ZFHX3: variants seen among roughly 807,000 people sequenced by gnomAD.
The protein encoded by ZFHX3 is zinc finger homeobox protein 3.
Under a neutral mutation model 279.1 loss-of-function variants are expected in ZFHX3, and 42 were observed. That is an observed-to-expected ratio of 0.15 (90% CI 0.12 to 0.19). The LOEUF is 0.19. Among genes scored for constraint, ZFHX3 ranks in the 10% least tolerant of loss-of-function variants. The pLI is 1.00. For missense variants in ZFHX3, 4,981 were observed against 4,754.0 expected, an observed-to-expected ratio of 1.05 and a Z score of -1.40; for synonymous variants, 2,293 against 1,957.8, an observed-to-expected ratio of 1.17 and a Z score of -4.52.
chr16:73,248,080 T>C (rs1222283668), intron 5 of ZFHX3, among the ~76,000 whole-genome samples: 4 of 151,796 alleles, frequency 2.6e-5, no homozygotes, highest in African/African-American at 9.7e-5. Context: ...ACTGTATATA[T>C]AATGTGTGTG....
intron 7 of ZFHX3, among the ~76,000 whole-genome samples, chr16:73,095,441 G>T (rs1480880356): frequency 2.0e-5 from 3 of 152,044 alleles, no homozygotes; most frequent in African/African-American, 7.2e-5. Flanking sequence ...TTTGGGACTG[G>T]TGTTATTCAT....
intron 1 of ZFHX3, among the ~76,000 whole-genome samples, chr16:73,844,009 A>G (rs759100434): frequency 1.3e-5 from 2 of 152,242 alleles, no homozygotes; most frequent in Non-Finnish European, 2.9e-5. Context: ...GCCATACAAA[A>G]TTAGGCAGCG....
intron 4 of ZFHX3, among the ~76,000 whole-genome samples, chr16:72,833,212 C>G (rs2037105905): frequency 6.6e-6 from 1 of 152,234 alleles, no homozygotes; most frequent in African/African-American, 2.4e-5. Flanking sequence ...CGCTTTGAAA[C>G]AGAGATCTGC....
At chr16:73,249,286 T>C (rs557199399) in intron 5 of ZFHX3, among the ~76,000 whole-genome samples, 1 of 152,364 alleles carries the variant, frequency 6.6e-6, no homozygotes, top group Admixed American at 6.5e-5. Flanking sequence ...AATAATTCTC[T>C]AATTTTTTCT....
At chr16:73,602,234 T>C (rs2052126307) in intron 2 of ZFHX3, among the ~76,000 whole-genome samples, 1 of 152,236 alleles carries the variant, frequency 6.6e-6, no homozygotes, top group Non-Finnish European at 1.5e-5. Context: ...TGGTGGGTTT[T>C]TTCTAAAATA....
At chr16:73,411,054 T>C (rs1378278438) in intron 3 of ZFHX3, among the ~76,000 whole-genome samples, 1 of 152,178 alleles carries the variant, frequency 6.6e-6, no homozygotes, top group Non-Finnish European at 1.5e-5. Context: ...CCGATGGCAT[T>C]GAGCACTTCT....
intron 6 of ZFHX3, among the ~76,000 whole-genome samples, chr16:73,135,792 G>T (rs1966777901): frequency 1.3e-5 from 2 of 152,128 alleles, no homozygotes; most frequent in African/African-American, 4.8e-5. Context: ...CTTTTAGGCT[G>T]GGCATGGTTT....
chr16:73,167,694 C>T (rs1356617579), intron 5 of ZFHX3, among the ~76,000 whole-genome samples: 1 of 152,188 alleles, frequency 6.6e-6, no homozygotes, highest in African/African-American at 2.4e-5. Context: ...GAACTTGTCA[C>T]CAGCTCAGGG....
intron 1 of ZFHX3, chr16:73,014,958 C>T (rs569244000): frequency 1.3e-5 from 2 of 152,180 alleles, no homozygotes; most frequent in South Asian, 4.2e-4. Context: ...TCTCCAGACC[C>T]TAGGGACCAG....
intron 1 of ZFHX3, among the ~76,000 whole-genome samples, chr16:73,008,869 A>G (rs1005891813): frequency 6.6e-6 from 1 of 151,990 alleles, no homozygotes; most frequent in Non-Finnish European, 1.5e-5. Flanking sequence ...GCAATCTCCA[A>G]GTTCAGAAGA....
chr16:73,517,356 C>T (rs924124423), intron 2 of ZFHX3, among the ~76,000 whole-genome samples: 3 of 152,292 alleles, frequency 2.0e-5, no homozygotes, highest in Middle Eastern at 6.8e-3. Context: ...GCCATTTCTA[C>T]CTTCATATTT....
intron 1 of ZFHX3, among the ~76,000 whole-genome samples, chr16:73,863,620 T>G (rs1961937984): frequency 6.6e-6 from 1 of 152,184 alleles, no homozygotes; most frequent in Admixed American, 6.5e-5. Context: ...CTCAAGTTAT[T>G]TTACATGGCC....
intron 2 of ZFHX3, among the ~76,000 whole-genome samples, chr16:73,635,641 A>G (rs2052521128): frequency 6.6e-6 from 1 of 151,812 alleles, no homozygotes; most frequent in South Asian, 2.1e-4. Flanking sequence ...TTCAAAGCTA[A>G]CCTCTCACCC....
chr16:73,014,518 CTTTTTTTTTTTTTTTTT>C (rs1000108439), intron 1 of ZFHX3: 1 of 63,366 alleles, frequency 1.6e-5, no homozygotes, highest in African/African-American at 6.3e-5. Flanking sequence ...ATTTCTTCTT[CTTTTTTTTTTTTTTTTT>C]TTTTTTTTTT....
chr16:72,911,517 C>T (rs973651920), intron 3 of ZFHX3, among the ~76,000 whole-genome samples: 4 of 152,154 alleles, frequency 2.6e-5, no homozygotes, highest in Admixed American at 1.3e-4. Context: ...TTTACCTTCT[C>T]GGTCAGAGAA....
chr16:73,289,288 C>A (rs1323835273), intron 4 of ZFHX3, among the ~76,000 whole-genome samples: 8 of 151,838 alleles, frequency 5.3e-5, no homozygotes, highest in Non-Finnish European at 1.2e-4. Flanking sequence ...TCCTGTAACT[C>A]ATTATATGTG....
intron 4 of ZFHX3, among the ~76,000 whole-genome samples, chr16:73,268,151 C>A (rs984669281): frequency 2.0e-5 from 3 of 152,282 alleles, no homozygotes; most frequent in Non-Finnish European, 4.4e-5. Flanking sequence ...TGAAATCATA[C>A]TCTTCTTCCT....
At chr16:73,330,287 G>C (rs2015775498) in intron 3 of ZFHX3, among the ~76,000 whole-genome samples, 1 of 152,138 alleles carries the variant, frequency 6.6e-6, no homozygotes, top group African/African-American at 2.4e-5. Context: ...CAAATAAAGT[G>C]GATTTCATAA....
At chr16:72,881,038 T>C (rs1004618243) in intron 4 of ZFHX3, among the ~76,000 whole-genome samples, 36 of 152,202 alleles carry the variant, frequency 2.4e-4, no homozygotes, top group Non-Finnish European at 4.7e-4. Flanking sequence ...TTCTCTAAAA[T>C]GCAAGCCAAA....
Sources: gnomAD v4.1 joint callset for allele counts (sites outside exome capture counted in the v4.1 genomes callset) on GRCh38, gnomAD v4.1.1 for gene constraint, MANE v1.5 for transcripts, NCBI Gene and HGNC (gene_info 2026-07-23, HGNC 2026-07-21) for gene names.